The following CYP2U1 variants were observed in gnomAD, a reference collection of about 807,000 sequenced individuals.
CYP2U1 encodes the protein cytochrome P450 family 2 subfamily U member 1.
In CYP2U1, 28 loss-of-function variants were observed where a neutral mutation model predicts 42.8. That is an observed-to-expected ratio of 0.65 (90% CI 0.48 to 0.90). CYP2U1 has a LOEUF of 0.90. Among genes scored for constraint, CYP2U1 ranks in the 40% least tolerant of loss-of-function variants. The pLI is 0.00. For missense variants in CYP2U1, 642 were observed against 693.8 expected, an observed-to-expected ratio of 0.93 and a Z score of 0.84; for synonymous variants, 296 against 278.9, an observed-to-expected ratio of 1.06 and a Z score of -0.61.
At position 107,932,148 on chromosome 4, in the gene CYP2U1, G is replaced by A; in HGVS notation, c.490+15G>A. 1 of 1,595,242 alleles carries A rather than the reference G, an allele frequency of 6.3e-7. No individual in the cohort carries two copies. Among genetic ancestry groups the A allele is most frequent in the Middle Eastern group, 1.7e-4 (1 of 5,922 alleles). ...CAAGGAGAAGGGTGAGCGGGAGGTC[G>A]TGGGCTGTGGGTACGCGGATGCCGC... On this transcript the variant is annotated intron_variant, in intron 1 of 4. Coordinates refer to ENST00000332884, the MANE Select transcript of CYP2U1 (RefSeq NM_183075.3).
chr4:107,949,407 T>C lies in CYP2U1; in HGVS notation c.1346T>C (p.Val449Ala). Reference protein sequence around the residue: ...GTLILPNLWSVHRDPAIWEKP... With the variant: ...GTLILPNLWSAHRDPAIWEKP... ...TTGATCTTACCCAACCTGTGGTCAG[T>C]ACATAGAGACCCAGCCATTTGGGAG... Residue 449 changes from valine (V) to alanine (A), a missense_variant, in exon 4 of 5, where the codon GTA becomes GCA. Val to Ala is a moderately conservative substitution (Grantham distance 64). Coordinates refer to ENST00000332884, the MANE Select transcript of CYP2U1 (RefSeq NM_183075.3). 2 of 1,610,686 alleles carry C rather than the reference T, an allele frequency of 1.2e-6. No homozygotes were observed. The highest frequency in any genetic ancestry group is 1.7e-6 in the Non-Finnish European group (2 of 1,178,162).
Position 107,945,234 on chromosome 4 carries a change from T to G in CYP2U1, c.755T>G (p.Leu252Arg), listed in dbSNP as rs774131003. The change falls in exon 2 of 5, where the codon CTT (leucine) becomes CGT (arginine). Residue 252 changes from leucine (L) to arginine (R), a missense_variant. Coordinates refer to ENST00000332884, the MANE Select transcript of CYP2U1 (RefSeq NM_183075.3). ...DYTNSEFKKM[L>R]GFMSRGLEIC... The stretch of plus-strand genomic sequence containing the variant: ...ACTAATAGTGAGTTCAAGAAAATGC[T>G]TGGTTTTATGTCACGAGGCCTAGAA... The G allele has an allele frequency of 1.9e-5, 31 of 1,614,176 alleles. No homozygotes were observed. The highest frequency in any genetic ancestry group is 2.5e-5 in the Non-Finnish European group (29 of 1,180,028).
At chr4:107,937,850 A>G (rs1200312141) in intron 1 of CYP2U1, 1 of 152,166 alleles carries the variant, frequency 6.6e-6, no homozygotes, top group African/African-American at 2.4e-5. Flanking sequence ...TTAAAATGGA[A>G]TAATTTTCAT....
chr4:107,946,759 A>G (rs987921591), intron 2 of CYP2U1, among the ~76,000 whole-genome samples: 2 of 152,142 alleles, frequency 1.3e-5, no homozygotes, highest in Non-Finnish European at 2.9e-5. Flanking sequence ...ATGAGACCAA[A>G]GAATCCAGGT....
At position 107,931,783 on chromosome 4, in the gene CYP2U1, G is replaced by A; in HGVS notation, c.140G>A (p.Gly47Asp). 6 of 1,507,300 alleles carry A rather than the reference G, an allele frequency of 4.0e-6. No individual in the cohort carries two copies. Among genetic ancestry groups the A allele is most frequent in the Non-Finnish European group, 5.3e-6 (6 of 1,130,990 alleles). The allele number at this position is 1,507,300 out of a possible 1,614,324, so 93.4% of individuals were successfully genotyped here. A position where few individuals can be genotyped will look rare whatever the true frequency, so the allele number is the denominator to read the frequency against. Reference sequence around the variant, plus strand: ...CTATGCGGCCTCGTAGCGCTGCTGGGCTGGAGCTGGCTGCGGAGGCGCCGG... The same window carrying A: ...CTATGCGGCCTCGTAGCGCTGCTGGACTGGAGCTGGCTGCGGAGGCGCCGG... ...LLLCGLVALL[G>D]WSWLRRRRAR... is the part of the protein sequence containing the mutation. The change falls in exon 1 of 5, where the codon GGC becomes GAC. Residue 47 changes from glycine (G) to aspartate (D), a missense_variant. Coordinates refer to ENST00000332884, the MANE Select transcript of CYP2U1 (RefSeq NM_183075.3).
intron 1 of CYP2U1, chr4:107,936,305 C>G (rs1383942688): frequency 6.6e-6 from 1 of 152,184 alleles, no homozygotes. Context: ...GAAACTTAAT[C>G]CCTAATGCAA....
Position 107,950,379 on chromosome 4 carries a change from A to G in CYP2U1, c.1591A>G (p.Thr531Ala). The change falls in exon 5 of 5, where the codon ACT becomes GCT. Residue 531 changes from threonine to alanine, a missense_variant. By Grantham distance (58) the Thr-to-Ala change is moderately conservative. Transcript: ENST00000332884. Reference protein sequence around the residue: ...KPLLTGRFGLTLAPHPFNITI... With the variant: ...KPLLTGRFGLALAPHPFNITI... ...CCTCCTGACTGGAAGATTTGGTCTA[A>G]CTTTAGCCCCACATCCATTTAATAT... 1 of 1,613,516 alleles carries G rather than the reference A, an allele frequency of 6.2e-7. No individual in the cohort carries two copies. The highest frequency in any genetic ancestry group is 8.5e-7 in the Non-Finnish European group (1 of 1,179,872).
rs1732979336 is a variant in CYP2U1, at chr4:107,931,673, G to A, written c.30G>A (p.Pro10=). MSSPGPSQP[P]AEDPPWPARL... is the part of the protein sequence containing the mutation. ...CGTCTCCGGGGCCGTCGCAGCCGCCGGCCGAGGACCCGCCCTGGCCCGCGC... is the reference window on the plus strand; with the variant it reads ...CGTCTCCGGGGCCGTCGCAGCCGCCAGCCGAGGACCCGCCCTGGCCCGCGC... Residue 10 remains proline (P), a synonymous_variant, in exon 1 of 5, where the codon CCG becomes CCA. Transcript: ENST00000332884. 2.4e-6 allele frequency: 3 copies of A among 1,264,270 alleles called. No individual in the cohort carries two copies. The highest frequency in any genetic ancestry group is 6.1e-5 in the South Asian group (2 of 32,660). 78.3% of individuals were successfully genotyped at this position (1,264,270 alleles called of 1,614,324 possible).
chr4:107,931,556 A>G lies in CYP2U1; in HGVS notation c.-88A>G, dbSNP rs995695007. The stretch of plus-strand genomic sequence containing the variant: ...GCCCGCCCCCGACCTTCCAGAGCAG[A>G]GCAGGACACTGGCGCCGCGGGTCAG... On this transcript the variant is annotated 5_prime_UTR_variant, in exon 1 of 5. Transcript: ENST00000332884. 1.7e-6 allele frequency: 2 copies of G among 1,186,498 alleles called. No individual in the cohort carries two copies. The highest frequency in any genetic ancestry group is 2.1e-6 in the Non-Finnish European group (2 of 953,096). 73.5% of individuals were successfully genotyped at this position (1,186,498 alleles called of 1,614,324 possible).
At chr4:107,933,816 A>G (rs1733142965) in intron 1 of CYP2U1, among the ~76,000 whole-genome samples, 1 of 152,172 alleles carries the variant, frequency 6.6e-6, no homozygotes, top group Non-Finnish European at 1.5e-5. Context: ...GTTATACAGT[A>G]TTGTTTAAGG....
At chr4:107,935,403 C>T (rs904363236) in intron 1 of CYP2U1, among the ~76,000 whole-genome samples, 3 of 152,022 alleles carry the variant, frequency 2.0e-5, no homozygotes, top group Non-Finnish European at 2.9e-5. Flanking sequence ...GGCAATGCTG[C>T]TCTGGTATGT....
chr4:107,950,039 G>A (rs553635879), intron 4 of CYP2U1, among the ~76,000 whole-genome samples: 9 of 152,198 alleles, frequency 5.9e-5, no homozygotes, highest in Admixed American at 2.0e-4. Flanking sequence ...GTTTTTATGA[G>A]TAAGAGTTAA....
chr4:107,946,692 A>G (rs1054805504), intron 2 of CYP2U1, among the ~76,000 whole-genome samples: 2 of 152,154 alleles, frequency 1.3e-5, no homozygotes, highest in African/African-American at 4.8e-5. Flanking sequence ...AATGACTTCC[A>G]GTTTAGGGTT....
In CYP2U1 at chr4:107,949,472, C is replaced by T; in HGVS notation, c.1411C>T (p.Gln471Ter). The T allele has an allele frequency of 6.2e-7, 1 of 1,603,430 alleles. No individual in the cohort carries two copies. Among genetic ancestry groups the T allele is most frequent in the Non-Finnish European group, 8.5e-7 (1 of 1,174,850 alleles). ...CTACCCTAATCGATTTCTGGATGAC[C>T]AAGGACAACTAATTAAAAAAGAAAC... is the stretch of plus-strand genomic sequence containing the variant. ...DFYPNRFLDDQGQLIKKETFI... is the reference protein window; with the variant it reads ...DFYPNRFLDD The change falls in exon 4 of 5, where the codon CAA (glutamine) becomes TAA (stop). Residue 471 changes from glutamine (Q) to a stop codon, truncating the protein, a stop_gained. Transcript: ENST00000332884. LOFTEE classifies it high-confidence loss of function.
At chr4:107,932,274 T>TG in intron 1 of CYP2U1, 141 bp downstream of exon 1, 2 of 1,381,254 alleles carry the variant, frequency 1.4e-6, no homozygotes, top group Non-Finnish European at 1.9e-6. Flanking sequence ...TAACAGGTGA[T>TG]GGTGGTGGCG....
Position 107,931,549 on chromosome 4 carries a change from A to G in CYP2U1, c.-95A>G, listed in dbSNP as rs1190961990. ...ACCCCCTGCCCGCCCCCGACCTTCC[A>G]GAGCAGAGCAGGACACTGGCGCCGC... On this transcript the variant is annotated 5_prime_UTR_variant, in exon 1 of 5. Coordinates refer to ENST00000332884, the MANE Select transcript of CYP2U1 (RefSeq NM_183075.3). 1.2e-5 allele frequency: 14 copies of G among 1,169,448 alleles called. No homozygotes were observed. The South Asian group carries it at 5.3e-4, about 44-fold the overall frequency. The allele number at this position is 1,169,448 out of a possible 1,614,324, so 72.4% of individuals were successfully genotyped here. A position where few individuals can be genotyped will look rare whatever the true frequency, so the allele number is the denominator to read the frequency against.
intron 1 of CYP2U1, among the ~76,000 whole-genome samples, chr4:107,942,800 G>A (rs1733544860): frequency 6.6e-6 from 1 of 152,054 alleles, no homozygotes; most frequent in Non-Finnish European, 1.5e-5. Context: ...TAAATTCCAG[G>A]TAGATTATAG....
intron 3 of CYP2U1, 134 bp from the exon 4 acceptor site, chr4:107,949,216 G>A: frequency 1.3e-6 from 1 of 795,122 alleles, no homozygotes; most frequent in Admixed American, 3.8e-5. Flanking sequence ...CTGCCCTCAA[G>A]TACCTCACAG....
At position 107,949,486 on chromosome 4, in the gene CYP2U1, T is replaced by G; in HGVS notation, c.1425T>G (p.Ile475Met). 6.3e-7 allele frequency: 1 copy of G among 1,597,426 alleles called. No individual in the cohort carries two copies. ...TTCTGGATGACCAAGGACAACTAAT[T>G]AAAAAAGAAACCTTTATTCCTTTTG... ...NRFLDDQGQLIKKETFIPFGI... is the reference protein window; with the variant it reads ...NRFLDDQGQLMKKETFIPFGI... Residue 475 changes from isoleucine (I) to methionine (M), a missense_variant, in exon 4 of 5, where the codon ATT becomes ATG. Transcript: ENST00000332884.
Sources: gnomAD v4.1 joint callset for allele counts (sites outside exome capture counted in the v4.1 genomes callset) on GRCh38, gnomAD v4.1.1 for gene constraint, MANE v1.5 for transcripts, NCBI Gene and HGNC (gene_info 2026-07-23, HGNC 2026-07-21) for gene names.